MFHAS1: variants seen among roughly 807,000 people sequenced by gnomAD.
MFHAS1 encodes the protein multifunctional ROCO family signaling regulator 1, also known as malignant fibrous histiocytoma-amplified sequence 1.
A neutral mutation model predicts 70.4 loss-of-function variants in MFHAS1; 50 were observed. The observed-to-expected ratio is 0.71, with a 90% CI of 0.57 to 0.90. MFHAS1 has a LOEUF of 0.90. MFHAS1 is among the 40% of genes least tolerant of loss of function. MFHAS1 has a pLI of 0.00. For missense variants in MFHAS1, 1,795 were observed against 1,347.6 expected (o/e 1.33, Z -5.20); for synonymous variants, 952 against 620.0 (o/e 1.54, Z -7.96).
intron 1 of MFHAS1, among the ~76,000 whole-genome samples, chr8:8,819,608 C>CAAA (rs201326485): frequency 0.24 from 22,270 of 90,986 alleles, 2,292 homozygotes; most frequent in Non-Finnish European, 0.36. Flanking sequence ...CAACTCAAAA[C>CAAA]AAAAAAAAAA....
intron 2 of MFHAS1, among the ~76,000 whole-genome samples, chr8:8,786,965 CA>C (rs1177580129): frequency 6.6e-6 from 1 of 151,992 alleles, no homozygotes; most frequent in African/African-American, 2.4e-5. Context: ...ACAAAAAAAC[CA>C]AAAACCTCTC....
chr8:8,815,043 T>C (rs1168302810), intron 1 of MFHAS1, among the ~76,000 whole-genome samples: 1 of 151,990 alleles, frequency 6.6e-6, no homozygotes, highest in Non-Finnish European at 1.5e-5. Context: ...CAGGCCCCAG[T>C]GTGTGTTGTT....
chr8:8,875,925 A>G (rs1463868484), intron 1 of MFHAS1, among the ~76,000 whole-genome samples: 1 of 152,158 alleles, frequency 6.6e-6, no homozygotes, highest in African/African-American at 2.4e-5. Context: ...TTTTTAAAAG[A>G]GCATAAGGTG....
intron 2 of MFHAS1, among the ~76,000 whole-genome samples, chr8:8,789,648 T>G (rs1355727732): frequency 6.6e-6 from 1 of 152,172 alleles, no homozygotes; most frequent in African/African-American, 2.4e-5. Flanking sequence ...GCTTTCCTAC[T>G]CCGGACCTTG....
At position 8,892,720 on chromosome 8, in the gene MFHAS1, G is replaced by A; in HGVS notation, c.339C>T (p.Leu113=). 21 of 1,579,284 alleles carry A rather than the reference G, an allele frequency of 1.3e-5. No homozygotes were observed. Among genetic ancestry groups the A allele is most frequent in the Non-Finnish European group, 1.7e-5 (20 of 1,163,646 alleles). ...GGTTGTGGCTCACGTCCAGCTCGGTGAGGTGGTGGCCGAGCTCGGCCACCG... is the reference window on the plus strand; with the variant it reads ...GGTTGTGGCTCACGTCCAGCTCGGTAAGGTGGTGGCCGAGCTCGGCCACCG... ...PPAVAELGHH[L]TELDVSHNRL... is the part of the protein sequence containing the mutation. The change falls in exon 1 of 3, where the codon CTC becomes CTT. Residue 113 remains leucine, a synonymous_variant. Transcript: ENST00000276282. This position sits in a 1 kb window ranked among gnomAD's most constrained non-coding sequence, Gnocchi z 4.7.
chr8:8,786,079 G>C (rs1805532058), intron 2 of MFHAS1, 24 bp from the exon 3 acceptor site: 6 of 1,611,066 alleles, frequency 3.7e-6, no homozygotes, highest in South Asian at 2.2e-5. Context: ...CAACAAGAAA[G>C]CACAGAGATG....
chr8:8,874,506 T>C (rs1423049673), intron 1 of MFHAS1, among the ~76,000 whole-genome samples: 1 of 152,122 alleles, frequency 6.6e-6, no homozygotes, highest in African/African-American at 2.4e-5. Context: ...TATATGCAAA[T>C]ACATGCTTTA....
At chr8:8,851,594 G>C (rs763715523) in intron 1 of MFHAS1, among the ~76,000 whole-genome samples, 2 of 152,152 alleles carry the variant, frequency 1.3e-5, no homozygotes, top group Non-Finnish European at 2.9e-5. Context: ...TAAAAAACCA[G>C]GGACTAGAAA....
chr8:8,873,921 T>A (rs373127049), intron 1 of MFHAS1, among the ~76,000 whole-genome samples: 1 of 152,266 alleles, frequency 6.6e-6, no homozygotes, highest in East Asian at 1.9e-4. Flanking sequence ...ATTATTGCTA[T>A]GTCTAAACAC....
intron 1 of MFHAS1, among the ~76,000 whole-genome samples, chr8:8,868,205 G>A (rs534108716): frequency 2.1e-4 from 32 of 152,016 alleles, no homozygotes; most frequent in Middle Eastern, 3.4e-3. Context: ...CCTGCTTTAT[G>A]AATCTAGAAT....
At chr8:8,856,297 G>A (rs763491631) in intron 1 of MFHAS1, among the ~76,000 whole-genome samples, 6 of 152,208 alleles carry the variant, frequency 3.9e-5, no homozygotes, top group Non-Finnish European at 8.8e-5. Flanking sequence ...GAGCTCACTC[G>A]AGTGTCTTTC....
intron 2 of MFHAS1, among the ~76,000 whole-genome samples, chr8:8,791,306 G>A (rs1206373004): frequency 1.3e-5 from 2 of 152,224 alleles, no homozygotes; most frequent in South Asian, 2.1e-4. Context: ...CCCATTTCCT[G>A]TATATTCAAG....
intron 1 of MFHAS1, among the ~76,000 whole-genome samples, chr8:8,843,146 G>A (rs915268241): frequency 6.6e-6 from 1 of 152,002 alleles, no homozygotes; most frequent in Non-Finnish European, 1.5e-5. Flanking sequence ...GCGGGCGCCT[G>A]TAGTCCCAGC....
At chr8:8,815,912 G>A (rs1027752822) in intron 1 of MFHAS1, among the ~76,000 whole-genome samples, 1 of 152,162 alleles carries the variant, frequency 6.6e-6, no homozygotes, top group Non-Finnish European at 1.5e-5. Flanking sequence ...ACAAGTGTCC[G>A]TTAAAAGGTC....
Position 8,892,212 on chromosome 8 carries a change from T to A in MFHAS1, c.847A>T (p.Asn283Tyr). The A allele has an allele frequency of 6.2e-7, 1 of 1,610,508 alleles. No homozygotes were observed. The highest frequency in any genetic ancestry group is 8.5e-7 in the Non-Finnish European group (1 of 1,179,988). ...QRLKMLNLSSNLFEEFPAALL... is the reference protein window; with the variant it reads ...QRLKMLNLSSYLFEEFPAALL... ...GCGGCAGGGAACTCCTCGAAGAGGT[T>A]GGAGGAGAGGTTGAGCATTTTGAGC... The change falls in exon 1 of 3, where the codon AAC (asparagine) becomes TAC (tyrosine). Residue 283 changes from asparagine to tyrosine, a missense_variant. Asn to Tyr is a moderately radical substitution (Grantham distance 143, BLOSUM62 -2). Transcript: ENST00000276282. This position sits in a 1 kb window ranked among gnomAD's most constrained non-coding sequence, Gnocchi z 4.7.
In MFHAS1 at chr8:8,890,489, T is replaced by G; in HGVS notation, c.2570A>C (p.Glu857Ala). Reference protein sequence around the residue: ...WYKFPCYVQNEVPHAEAWING... With the variant: ...WYKFPCYVQNAVPHAEAWING... Reference sequence around the variant, plus strand: ...AATCCAGGCTTCTGCATGGGGCACCTCGTTCTGCACATAGCATGGGAACTT... The same window carrying G: ...AATCCAGGCTTCTGCATGGGGCACCGCGTTCTGCACATAGCATGGGAACTT... Residue 857 changes from glutamate to alanine, a missense_variant, in exon 1 of 3, where the codon GAG becomes GCG. By Grantham distance (107) the Glu-to-Ala change is moderately radical (BLOSUM62 -1). Transcript: ENST00000276282. 1 of 1,613,716 alleles carries G rather than the reference T, an allele frequency of 6.2e-7. No homozygotes were observed. The highest frequency in any genetic ancestry group is 8.5e-7 in the Non-Finnish European group (1 of 1,180,038).
chr8:8,825,401 G>A (rs1256961113), intron 1 of MFHAS1, among the ~76,000 whole-genome samples: 3 of 152,214 alleles, frequency 2.0e-5, no homozygotes, highest in African/African-American at 7.2e-5. Context: ...TCAAACTCCT[G>A]ATCTCAAGTG....
chr8:8,849,176 G>A (rs1808149611), intron 1 of MFHAS1, among the ~76,000 whole-genome samples: 2 of 136,390 alleles, frequency 1.5e-5, no homozygotes, highest in South Asian at 4.9e-4. Context: ...TGCCTCCCGT[G>A]TTCAAGCGAT....
rs1258633666 is a variant in MFHAS1 at position 8,783,540 on chromosome 8, G to T, written c.*2482C>A. The stretch of plus-strand genomic sequence containing the variant: ...TCAAAAGAGAGTCCAATACACAAGT[G>T]TCAAATATGAGCACTGTCATTTTTT... On this transcript the variant is annotated 3_prime_UTR_variant, in exon 3 of 3. Transcript: ENST00000276282. 1.3e-5 allele frequency: 2 copies of T among 151,994 alleles called. No individual in the cohort carries two copies. Among genetic ancestry groups the T allele is most frequent in the Non-Finnish European group, 2.9e-5 (2 of 68,008 alleles). 9.4% of individuals were successfully genotyped at this position (151,994 alleles called of 1,614,324 possible).
Sources: allele counts gnomAD v4.1 joint callset (sites outside exome capture counted in the v4.1 genomes callset), GRCh38; gene constraint gnomAD v4.1.1; non-coding constraint Gnocchi (gnomAD v3.1); transcripts MANE v1.5; gene names NCBI Gene and HGNC (gene_info 2026-07-23, HGNC 2026-07-21).